The following PTPRM variants were observed in gnomAD, a reference collection of about 807,000 sequenced individuals.
The protein encoded by PTPRM is protein tyrosine phosphatase receptor type M, also known as receptor-type tyrosine-protein phosphatase mu.
A neutral mutation model predicts 186.7 loss-of-function variants in PTPRM; 47 were observed. The observed-to-expected ratio is 0.25, with a 90% CI of 0.20 to 0.32. PTPRM has a LOEUF of 0.32. Ranked by LOEUF, PTPRM falls within the 10% of genes least tolerant of loss-of-function variation. The pLI is 1.00. For missense variants in PTPRM, 1,494 were observed against 1,865.0 expected (o/e 0.80, Z 3.66); for synonymous variants, 668 against 674.9 (o/e 0.99, Z 0.16).
intron 20 of PTPRM, among the ~76,000 whole-genome samples, chr18:8,314,108 A>G (rs1212869417): frequency 6.6e-6 from 1 of 152,230 alleles, no homozygotes; most frequent in African/African-American, 2.4e-5. Flanking sequence ...ACTAATTAAT[A>G]CCATAAATAT....
chr18:7,577,271 T>C (rs1398407820), intron 1 of PTPRM, among the ~76,000 whole-genome samples: 1 of 152,220 alleles, frequency 6.6e-6, no homozygotes, highest in East Asian at 1.9e-4. Context: ...ACTGTAGTTT[T>C]ATTGTGTATA....
chr18:7,890,852 A>G (rs2049035785), intron 3 of PTPRM, among the ~76,000 whole-genome samples: 1 of 152,240 alleles, frequency 6.6e-6, no homozygotes, highest in Non-Finnish European at 1.5e-5. Flanking sequence ...TTATGGAAGA[A>G]AATTTAATGA....
chr18:8,273,946 AT>A (rs201563016), intron 19 of PTPRM, among the ~76,000 whole-genome samples: 4 of 151,110 alleles, frequency 2.6e-5, no homozygotes, highest in Admixed American at 1.3e-4. Flanking sequence ...GTCCAGTAAC[AT>A]TTTTTTTTCA....
chr18:7,796,317 C>T (rs1373143058), intron 2 of PTPRM, among the ~76,000 whole-genome samples: 1 of 152,124 alleles, frequency 6.6e-6, no homozygotes, highest in East Asian at 1.9e-4. Context: ...CAGTACAGAT[C>T]CCCTAACTTT....
rs1446337579 is a variant in PTPRM at position 8,248,119 on chromosome 18, T to A, written c.2528-31T>A. ...TACTGTTCTTTCTCTTTTTACTTTC[T>A]CTGCATTGACCTGCTTACGGTGTAT... On this transcript the variant is annotated intron_variant, in intron 16 of 32. Coordinates refer to ENST00000580170, the MANE Select transcript of PTPRM (RefSeq NM_001105244.2). 11 of 1,523,114 alleles carry A rather than the reference T, an allele frequency of 7.2e-6. No homozygotes were observed. In the South Asian group the frequency reaches 1.2e-4, roughly 17 times the overall value. The allele number at this position is 1,523,114 out of a possible 1,614,324, so 94.3% of individuals were successfully genotyped here.
rs1396642842 is a variant in PTPRM, at chr18:8,376,017, T to A, written c.3172-29T>A. On this transcript the variant is annotated intron_variant, in intron 24 of 32. Coordinates refer to ENST00000580170, the MANE Select transcript of PTPRM (RefSeq NM_001105244.2). ...TGTGGTTTGTTTTCCCTTGTTCTCT[T>A]CCTTGTTCTGGCTAACCAACTACTG... 3.8e-6 allele frequency: 6 copies of A among 1,591,676 alleles called. No homozygotes were observed. In the East Asian group the frequency reaches 1.4e-4, roughly 36 times the overall value.
At chr18:8,319,142 T>C in intron 21 of PTPRM, 36 bp from the exon 22 acceptor site, 1 of 1,408,352 alleles carries the variant, frequency 7.1e-7, no homozygotes, top group Non-Finnish European at 1.0e-6. Context: ...TTATCGATTT[T>C]ATGTTTATCA....
At chr18:7,814,636 C>T (rs2044709053) in intron 2 of PTPRM, 1 of 152,268 alleles carries the variant, frequency 6.6e-6, no homozygotes, top group East Asian at 1.9e-4. Context: ...GTGTTGAGCA[C>T]CACCATCCAT....
At chr18:7,675,294 A>G (rs2039308571) in intron 1 of PTPRM, among the ~76,000 whole-genome samples, 1 of 152,086 alleles carries the variant, frequency 6.6e-6, no homozygotes, top group Admixed American at 6.6e-5. Context: ...GGTAGTTTGC[A>G]TTTTAAATCA....
In PTPRM at chr18:7,892,375, T is replaced by C. The variant is rs543313770; in HGVS notation, c.468+3998T>C. Among the ~76,000 whole-genome samples, 5 of 152,334 alleles carry C rather than the reference T, an allele frequency of 3.3e-5. No individual in the cohort carries two copies. In the East Asian group the frequency reaches 9.6e-4, roughly 29 times the overall value. On this transcript the variant is annotated intron_variant, in intron 3 of 32. Transcript: ENST00000580170. ...TATGAACAGTCTTGGAAGACCAGAC[T>C]TTAAAAAGGAACTGTTAAACTACAT... is the stretch of plus-strand genomic sequence containing the variant.
At chr18:8,252,417 G>T (rs550133655) in intron 17 of PTPRM, 71 bp from the exon 18 acceptor site, 3 of 1,187,578 alleles carry the variant, frequency 2.5e-6, no homozygotes, top group Middle Eastern at 3.8e-4. Flanking sequence ...AATTATGCAC[G>T]CAGTACTATT....
intron 20 of PTPRM, among the ~76,000 whole-genome samples, chr18:8,310,671 C>T (rs1490070321): frequency 1.3e-5 from 2 of 151,976 alleles, no homozygotes; most frequent in East Asian, 3.9e-4. Flanking sequence ...GCTCTCTGTC[C>T]TTTCCAACTT....
intron 1 of PTPRM, among the ~76,000 whole-genome samples, chr18:7,629,388 C>T (rs28402175): frequency 0.033 from 4,991 of 152,204 alleles, 280 homozygotes; most frequent in African/African-American, 0.11. Context: ...GATCCAGCCA[C>T]TTGTTGAAAG....
chr18:8,372,161 T>G (rs1194746223), intron 24 of PTPRM, among the ~76,000 whole-genome samples: 1 of 138,858 alleles, frequency 7.2e-6, no homozygotes, highest in African/African-American at 2.7e-5. Flanking sequence ...AAGCTCCGCT[T>G]CCCGGGTTCA....
At chr18:7,577,469 A>T (rs542314325) in intron 1 of PTPRM, among the ~76,000 whole-genome samples, 1 of 152,308 alleles carries the variant, frequency 6.6e-6, no homozygotes, top group South Asian at 2.1e-4. Flanking sequence ...GGAATAATAT[A>T]TATTATCTCT....
At chr18:7,691,255 C>T (rs1412041410) in intron 1 of PTPRM, among the ~76,000 whole-genome samples, 1 of 152,078 alleles carries the variant, frequency 6.6e-6, no homozygotes, top group African/African-American at 2.4e-5. Flanking sequence ...ATGGGAACAG[C>T]ATGGAAATTT....
chr18:8,139,821 A>G (rs1012559736), intron 13 of PTPRM, among the ~76,000 whole-genome samples: 1 of 151,786 alleles, frequency 6.6e-6, no homozygotes, highest in African/African-American at 2.4e-5. Context: ...TTTTCTCTAC[A>G]GCTAGCCTGG....
chr18:7,624,897 G>A (rs2038023455), intron 1 of PTPRM, among the ~76,000 whole-genome samples: 1 of 152,206 alleles, frequency 6.6e-6, no homozygotes, highest in African/African-American at 2.4e-5. Flanking sequence ...TAGCAAGCCT[G>A]GTGTAGGTGT....
chr18:7,595,431 C>G (rs1009972530), intron 1 of PTPRM, among the ~76,000 whole-genome samples: 1 of 152,102 alleles, frequency 6.6e-6, no homozygotes, highest in African/African-American at 2.4e-5. Flanking sequence ...TTTTTATTAG[C>G]TATGTAAGTG....
Sources: allele counts gnomAD v4.1 joint callset (sites outside exome capture counted in the v4.1 genomes callset), GRCh38; gene constraint gnomAD v4.1.1; transcripts MANE v1.5; gene names NCBI Gene and HGNC (gene_info 2026-07-23, HGNC 2026-07-21).